TRHDE: variants seen among roughly 807,000 people sequenced by gnomAD.
TRHDE encodes thyrotropin releasing hormone degrading enzyme.
TRHDE carries 72 observed loss-of-function variants against 125.7 expected under a neutral mutation model. The observed-to-expected ratio is 0.57, with a 90% CI of 0.47 to 0.70. The LOEUF (loss-of-function observed/expected upper bound fraction) is 0.70. Among genes scored for constraint, TRHDE ranks in the 30% least tolerant of loss-of-function variants. The pLI is 0.00. For synonymous variants in TRHDE, 509 were observed against 509.1 expected, an observed-to-expected ratio of 1.00 and a Z score of 0.00; for missense variants, 1,110 against 1,327.1, an observed-to-expected ratio of 0.84 and a Z score of 2.54.
At chr12:72,506,952 C>T (rs1488009123) in intron 6 of TRHDE, among the ~76,000 whole-genome samples, 1 of 152,126 alleles carries the variant, frequency 6.6e-6, no homozygotes, top group African/African-American at 2.4e-5. Context: ...AGATTTCCCC[C>T]TTGCTGTTCT....
intron 2 of TRHDE, among the ~76,000 whole-genome samples, chr12:72,238,249 CAGTGGTCAGA>C (rs1282978334): frequency 3.5e-5 from 4 of 115,426 alleles, no homozygotes; most frequent in Non-Finnish European, 6.8e-5. Flanking sequence ...GTAGCAGAAG[CAGTGGTCAGA>C]AGTGGTCAGA....
chr12:72,371,551 C>A (rs1279322296), intron 2 of TRHDE, among the ~76,000 whole-genome samples: 2 of 151,528 alleles, frequency 1.3e-5, no homozygotes, highest in South Asian at 4.2e-4. Context: ...CTCCCCCAAC[C>A]CCACAACAGT....
chr12:72,531,904 A>T (rs1242505895), intron 6 of TRHDE, among the ~76,000 whole-genome samples: 2 of 152,074 alleles, frequency 1.3e-5, no homozygotes, highest in Non-Finnish European at 2.9e-5. Flanking sequence ...GAGATGATTC[A>T]CCATCTTTTT....
chr12:72,370,074 A>G (rs1871508656), intron 2 of TRHDE, among the ~76,000 whole-genome samples: 1 of 152,122 alleles, frequency 6.6e-6, no homozygotes, highest in African/African-American at 2.4e-5. Context: ...GGTTTGCAAA[A>G]TATTTTGTAC....
At chr12:72,106,143 A>G (rs1284149329) in intron 2 of TRHDE, among the ~76,000 whole-genome samples, 1 of 152,174 alleles carries the variant, frequency 6.6e-6, no homozygotes, top group Non-Finnish European at 1.5e-5. Flanking sequence ...CTACAGTAGC[A>G]CTGTTTACCT....
intron 2 of TRHDE, among the ~76,000 whole-genome samples, chr12:72,317,818 A>G (rs1868878201): frequency 6.6e-6 from 1 of 152,156 alleles, no homozygotes; most frequent in Non-Finnish European, 1.5e-5. Flanking sequence ...TAACAATGGC[A>G]TGCGTAAAGG....
chr12:72,113,298 T>C (rs1875363779), intron 2 of TRHDE, among the ~76,000 whole-genome samples: 3 of 151,872 alleles, frequency 2.0e-5, no homozygotes, highest in Admixed American at 2.0e-4. Flanking sequence ...GGATTACAGG[T>C]GTGAGCCACT....
At chr12:72,234,208 C>T (rs1160843310) in intron 2 of TRHDE, among the ~76,000 whole-genome samples, 2 of 151,894 alleles carry the variant, frequency 1.3e-5, no homozygotes, top group African/African-American at 4.8e-5. Context: ...ATTTAAATGT[C>T]GAGTATAGCC....
chr12:72,610,096 C>T (rs186249965), intron 12 of TRHDE, among the ~76,000 whole-genome samples: 2 of 152,164 alleles, frequency 1.3e-5, no homozygotes, highest in Admixed American at 1.3e-4. Flanking sequence ...GTGGAATATA[C>T]ACCTTCCTGT....
At chr12:72,142,873 C>T (rs1029379330) in intron 2 of TRHDE, among the ~76,000 whole-genome samples, 1 of 152,048 alleles carries the variant, frequency 6.6e-6, no homozygotes, top group Non-Finnish European at 1.5e-5. Context: ...CACTCCACTC[C>T]CCTTTCCAGC....
intron 3 of TRHDE, among the ~76,000 whole-genome samples, chr12:72,400,307 C>T (rs1872984172): frequency 6.6e-6 from 1 of 152,114 alleles, no homozygotes; most frequent in Non-Finnish European, 1.5e-5. Context: ...AGAGTTATTA[C>T]ATGGCAATGT....
chr12:72,250,832 T>C (rs114516257), intron 2 of TRHDE, among the ~76,000 whole-genome samples: 1,433 of 45,198 alleles, frequency 0.032, 25 homozygotes, highest in African/African-American at 0.082. Context: ...TCAATATGAC[T>C]TACAGATATA....
At chr12:72,118,023 A>G (rs536886554) in intron 2 of TRHDE, among the ~76,000 whole-genome samples, 1 of 151,904 alleles carries the variant, frequency 6.6e-6, no homozygotes, top group Admixed American at 6.6e-5. Flanking sequence ...GTAAACGAGG[A>G]TAATTGACTT....
At chr12:72,561,910 ACT>A (rs1317539989) in intron 7 of TRHDE, among the ~76,000 whole-genome samples, 2 of 152,118 alleles carry the variant, frequency 1.3e-5, no homozygotes, top group Non-Finnish European at 2.9e-5. Flanking sequence ...AAGATCTTTG[ACT>A]CTGAATATCT....
intron 2 of TRHDE, among the ~76,000 whole-genome samples, chr12:72,151,219 A>C (rs1404171311): frequency 2.6e-5 from 4 of 152,170 alleles, no homozygotes; most frequent in Non-Finnish European, 1.5e-5. Flanking sequence ...GTCTGTTCAT[A>C]TCCTTCACCC....
At chr12:72,524,766 G>T (rs1868304212) in intron 6 of TRHDE, among the ~76,000 whole-genome samples, 1 of 152,012 alleles carries the variant, frequency 6.6e-6, no homozygotes, top group African/African-American at 2.4e-5. Context: ...TGTCTGTCGT[G>T]TCAGAACACA....
intron 2 of TRHDE, among the ~76,000 whole-genome samples, chr12:72,172,611 AG>A (rs1294193273): frequency 1.3e-5 from 2 of 152,174 alleles, no homozygotes; most frequent in Non-Finnish European, 2.9e-5. Context: ...CAATATGAGT[AG>A]GGGTGGGAAA....
intron 3 of TRHDE, among the ~76,000 whole-genome samples, chr12:72,440,933 A>G (rs1874980376): frequency 6.6e-6 from 1 of 151,936 alleles, no homozygotes; most frequent in Non-Finnish European, 1.5e-5. Flanking sequence ...ATGGATATTT[A>G]TCAAGAAGTT....
chr12:72,333,967 A>AT (rs1412092419), intron 2 of TRHDE, among the ~76,000 whole-genome samples: 1 of 152,146 alleles, frequency 6.6e-6, no homozygotes, highest in Non-Finnish European at 1.5e-5. Context: ...CAACCGTTTG[A>AT]TTTTCTATAG....
Sources: allele counts gnomAD v4.1 joint callset (sites outside exome capture counted in the v4.1 genomes callset), GRCh38; gene constraint gnomAD v4.1.1; transcripts MANE v1.5; gene names NCBI Gene and HGNC (gene_info 2026-07-23, HGNC 2026-07-21).